The following KAZN variants were observed in gnomAD, a reference collection of about 807,000 sequenced individuals.
The protein encoded by KAZN is kazrin.
A neutral mutation model predicts 87.4 loss-of-function variants in KAZN; 40 were observed. That is an observed-to-expected ratio of 0.46 (90% confidence interval 0.36 to 0.60). KAZN has a LOEUF of 0.60. KAZN is among the 20% of genes least tolerant of loss of function. The pLI is 0.00. For synonymous variants in KAZN, 466 were observed against 458.3 expected, an observed-to-expected ratio of 1.02 and a Z score of -0.22; for missense variants, 898 against 1,073.9, an observed-to-expected ratio of 0.84 and a Z score of 2.29.
chr1:14,201,303 A>G (rs943586023), intron 2 of KAZN, among the ~76,000 whole-genome samples: 1 of 152,176 alleles, frequency 6.6e-6, no homozygotes, highest in African/African-American at 2.4e-5. Context: ...CTCTCACACA[A>G]GAAAGCACAT....
At chr1:13,935,867 T>C (rs1362858669) in intron 1 of KAZN, among the ~76,000 whole-genome samples, 1 of 58,002 alleles carries the variant, frequency 1.7e-5, no homozygotes, top group Non-Finnish European at 3.2e-5. Flanking sequence ...TCCTAATGTG[T>C]GTGTGTGTGT....
rs116905774 is a variant in KAZN, at chr1:14,426,732, C to T, written c.250-172251C>T. 3.2e-3 allele frequency among the ~76,000 whole-genome samples: 485 copies of T among 152,236 alleles called. 4 individuals carry two copies. Among genetic ancestry groups the T allele is most frequent in the East Asian group, 0.026 (134 of 5,152 alleles). ...TAGAAAGCCAAATGTCCAGCCCCTCCCGCTCCATCCAGTGCCTCCCAAGCT... is the reference window on the plus strand; with the variant it reads ...TAGAAAGCCAAATGTCCAGCCCCTCTCGCTCCATCCAGTGCCTCCCAAGCT... On this transcript the variant is annotated intron_variant, in intron 2 of 16. Coordinates refer to the KAZN transcript ENST00000636203.
intron 1 of KAZN, among the ~76,000 whole-genome samples, chr1:13,970,692 C>T (rs1437715972): frequency 6.6e-6 from 1 of 152,204 alleles, no homozygotes. Flanking sequence ...CAAAACATCT[C>T]TTTTCCAGAG....
intron 2 of KAZN, among the ~76,000 whole-genome samples, chr1:14,335,484 T>C (rs1420227897): frequency 6.6e-6 from 1 of 152,080 alleles, no homozygotes; most frequent in Non-Finnish European, 1.5e-5. Flanking sequence ...ATTACAGGCA[T>C]GAGCCACTGC....
intron 1 of KAZN, among the ~76,000 whole-genome samples, chr1:14,779,389 G>T (rs554697671): frequency 6.6e-6 from 1 of 152,302 alleles, no homozygotes; most frequent in South Asian, 2.1e-4. Flanking sequence ...CCAGCTCTTG[G>T]CATTGGAGGG....
intron 2 of KAZN, among the ~76,000 whole-genome samples, chr1:14,418,939 G>A (rs10927430): frequency 0.019 from 2,854 of 152,238 alleles, 48 homozygotes; most frequent in East Asian, 0.079. Context: ...GGACCACCTC[G>A]GCACCCAGAA....
At chr1:13,898,772 A>G (rs1299583716) in intron 1 of KAZN, among the ~76,000 whole-genome samples, 1 of 152,006 alleles carries the variant, frequency 6.6e-6, no homozygotes, top group Non-Finnish European at 1.5e-5. Flanking sequence ...TGTCTCTCTC[A>G]CCTGTCAGAC....
At chr1:14,308,782 G>T (rs1462324548) in intron 2 of KAZN, among the ~76,000 whole-genome samples, 1 of 66,976 alleles carries the variant, frequency 1.5e-5, no homozygotes, top group Non-Finnish European at 4.1e-5. Flanking sequence ...TAAGCATTCA[G>T]TCATCAGTAT....
At chr1:14,807,503 T>C (rs1244127837) in intron 1 of KAZN, among the ~76,000 whole-genome samples, 2 of 152,146 alleles carry the variant, frequency 1.3e-5, no homozygotes, top group Non-Finnish European at 2.9e-5. Context: ...GCATGGTGGC[T>C]CACACCCGTA....
At position 14,889,526 on chromosome 1, in the gene KAZN, T is replaced by C. The variant is rs55702198; in HGVS notation, c.227-71158T>C. On this transcript the variant is annotated intron_variant, in intron 1 of 14. Coordinates refer to ENST00000376030, the MANE Select transcript of KAZN (RefSeq NM_201628.3). ...CACAAACTGAGGCAGCTTCTGTGTC[T>C]GGTGCTTGTCCAGAGTGTACTTAGC... Among the ~76,000 whole-genome samples, 960 of 152,362 alleles carry C rather than the reference T, an allele frequency of 6.3e-3. 2 individuals carry two copies. The highest frequency in any genetic ancestry group is 0.014 in the Middle Eastern group (4 of 294).
At position 14,474,085 on chromosome 1, in the gene KAZN, T is replaced by C. The variant is rs951327818; in HGVS notation, c.250-124898T>C. ...GTAAGCTCAGTGAGATCAGGGACTA[T>C]GTCTGTCTTGTTCTTTGCCAAATCC... On this transcript the variant is annotated intron_variant, in intron 2 of 16. Coordinates refer to the KAZN transcript ENST00000636203. Among the ~76,000 whole-genome samples the C allele has an allele frequency of 2.0e-5, 3 of 152,382 alleles. No homozygotes were observed. The East Asian group carries it at 5.8e-4, about 29-fold the overall frequency.
At chr1:14,632,289 G>A (rs146798674) in intron 1 of KAZN, among the ~76,000 whole-genome samples, 25 of 152,294 alleles carry the variant, frequency 1.6e-4, no homozygotes, top group African/African-American at 6.0e-4. Context: ...AGCAAACTTT[G>A]TATGAAGCAT....
chr1:14,022,952 C>T (rs1248705664), intron 1 of KAZN, among the ~76,000 whole-genome samples: 2 of 151,994 alleles, frequency 1.3e-5, no homozygotes, highest in Admixed American at 1.3e-4. Context: ...CTGATTGTTC[C>T]CTTATAAATG....
At chr1:14,514,453 T>A (rs1307811924) in intron 2 of KAZN, among the ~76,000 whole-genome samples, 1 of 7,718 alleles carries the variant, frequency 1.3e-4, no homozygotes, top group East Asian at 4.0e-3. Context: ...AATATATATA[T>A]TATATATATT....
chr1:14,596,003 AT>A (rs1044912141), upstream of KAZN, among the ~76,000 whole-genome samples: 1 of 152,092 alleles, frequency 6.6e-6, no homozygotes, highest in African/African-American at 2.4e-5. Flanking sequence ...TCCTTATTAG[AT>A]TTTTTTGTTT....
chr1:13,987,159 A>AT (rs926770509), intron 1 of KAZN, among the ~76,000 whole-genome samples: 35 of 150,128 alleles, frequency 2.3e-4, no homozygotes, highest in South Asian at 1.1e-3. Context: ...TTTTTGGTTA[A>AT]TTTTTTTTTT....
At chr1:13,968,431 A>G (rs1160516843) in intron 1 of KAZN, among the ~76,000 whole-genome samples, 1 of 152,162 alleles carries the variant, frequency 6.6e-6, no homozygotes, top group Non-Finnish European at 1.5e-5. Flanking sequence ...ATTGGCAGCT[A>G]CTGTACCCAC....
At chr1:15,089,309 A>G (rs1487750405) in intron 8 of KAZN, among the ~76,000 whole-genome samples, 1 of 146,884 alleles carries the variant, frequency 6.8e-6, no homozygotes, top group Non-Finnish European at 1.5e-5. Context: ...CCACCTGGGC[A>G]CAGAACGGAC....
At chr1:14,927,897 G>A (rs1415282352) in intron 1 of KAZN, among the ~76,000 whole-genome samples, 1 of 152,178 alleles carries the variant, frequency 6.6e-6, no homozygotes, top group African/African-American at 2.4e-5. Context: ...TTGTCTTTGT[G>A]TACCGGCTCC....
Sources: gnomAD v4.1 joint callset for allele counts (sites outside exome capture counted in the v4.1 genomes callset) on GRCh38, gnomAD v4.1.1 for gene constraint, MANE v1.5 for transcripts, NCBI Gene and HGNC (gene_info 2026-07-23, HGNC 2026-07-21) for gene names.